GSE1: variants seen among roughly 807,000 people sequenced by gnomAD.
The protein encoded by GSE1 is Gse1 coiled-coil protein.
GSE1 carries 32 observed loss-of-function variants against 112.6 expected under a neutral mutation model. The observed-to-expected ratio is 0.28, with a 90% CI of 0.21 to 0.38. GSE1 has a LOEUF of 0.38. Ranked by LOEUF, GSE1 falls within the 10% of genes least tolerant of loss-of-function variation. The pLI is 1.00. For missense variants in GSE1, 2,348 were observed against 1,699.2 expected, an observed-to-expected ratio of 1.38 and a Z score of -6.71; for synonymous variants, 1,115 against 735.6, an observed-to-expected ratio of 1.52 and a Z score of -8.35.
At chr16:85,240,259 C>G (rs1905067833) in intron 1 of GSE1, among the ~76,000 whole-genome samples, 1 of 152,228 alleles carries the variant, frequency 6.6e-6, no homozygotes, top group African/African-American at 2.4e-5. Context: ...CCCTCCTCCC[C>G]AGTCATTAGC....
chr16:85,299,573 T>A (rs2045460317), intron 1 of GSE1, among the ~76,000 whole-genome samples: 1 of 152,254 alleles, frequency 6.6e-6, no homozygotes. Context: ...ATGTCACACC[T>A]GAGCCCTCTG....
At position 85,206,939 on chromosome 16, in the gene GSE1, G is replaced by C. The variant is rs574941445; in HGVS notation, c.2283+35132G>C. ...GGGGTGGGCCAGCGCCGGTGGCCAAGAGGAGAGAGACTGTTTACAGCCTCC... is the reference window on the plus strand; with the variant it reads ...GGGGTGGGCCAGCGCCGGTGGCCAACAGGAGAGAGACTGTTTACAGCCTCC... On this transcript the variant is annotated intron_variant, in intron 1 of 2. Coordinates refer to the GSE1 transcript ENST00000637419. Among the ~76,000 whole-genome samples, 3 of 151,878 alleles carry C rather than the reference G, an allele frequency of 2.0e-5. No homozygotes were observed. The South Asian group carries it at 6.2e-4, about 32-fold the overall frequency.
chr16:85,636,451 AT>A (rs1355570343), intron 2 of GSE1, among the ~76,000 whole-genome samples: 2 of 152,114 alleles, frequency 1.3e-5, no homozygotes, highest in African/African-American at 4.8e-5. Flanking sequence ...CTTGGTCTGG[AT>A]GGGGAGGGAC....
At chr16:85,208,420 A>G (rs919008113) in intron 1 of GSE1, among the ~76,000 whole-genome samples, 5 of 152,188 alleles carry the variant, frequency 3.3e-5, no homozygotes, top group Non-Finnish European at 7.3e-5. Context: ...GAGGGGCGTC[A>G]TAGCAGCCAC....
At chr16:85,194,611 G>C (rs1016436600) in intron 1 of GSE1, among the ~76,000 whole-genome samples, 1 of 152,122 alleles carries the variant, frequency 6.6e-6, no homozygotes, top group African/African-American at 2.4e-5. Flanking sequence ...CGAGTGTTGG[G>C]ATTTTTTTTC....
At chr16:85,281,523 G>A (rs1393915969) in intron 1 of GSE1, among the ~76,000 whole-genome samples, 4 of 152,178 alleles carry the variant, frequency 2.6e-5, no homozygotes, top group Admixed American at 6.5e-5. Context: ...TCGGAGCGCC[G>A]TCTAACCTGC....
At position 85,206,161 on chromosome 16, in the gene GSE1, G is replaced by A. The variant is rs147552048; in HGVS notation, c.2283+34354G>A. On this transcript the variant is annotated intron_variant, in intron 1 of 2. Transcript: ENST00000637419. ...TGAACGATAAGGGGGAGTGAACCGGGCACGGGAAGGGGGGAGGGAAGCACC... is the reference window on the plus strand; with the variant it reads ...TGAACGATAAGGGGGAGTGAACCGGACACGGGAAGGGGGGAGGGAAGCACC... Among the ~76,000 whole-genome samples the A allele has an allele frequency of 1.1e-3, 161 of 151,022 alleles. 1 individual carries two copies. Among genetic ancestry groups the A allele is most frequent in the African/African-American group, 3.8e-3 (154 of 40,808 alleles).
At chr16:85,489,187 T>C (rs2050933557) in intron 2 of GSE1, among the ~76,000 whole-genome samples, 1 of 152,042 alleles carries the variant, frequency 6.6e-6, no homozygotes, top group Non-Finnish European at 1.5e-5. Flanking sequence ...TGAATTGAAA[T>C]CATCACCTGT....
Position 85,661,431 on chromosome 16 carries a change from G to T in GSE1, c.1926G>T (p.Glu642Asp). ...EKAEEGPRKR[E>D]PAPLDKYQPP... is the part of the protein sequence containing the mutation. The stretch of plus-strand genomic sequence containing the variant: ...CAGAGGAGGGGCCACGGAAGCGTGA[G>T]CCTGCCCCTCTGGACAAGTACCAGC... The change falls in exon 9 of 16, where the codon GAG becomes GAT. Residue 642 changes from glutamate to aspartate, a missense_variant. Glu to Asp is a conservative substitution (Grantham distance 45). Transcript: ENST00000253458. The T allele has an allele frequency of 6.2e-7, 1 of 1,612,138 alleles. No homozygotes were observed. The highest frequency in any genetic ancestry group is 8.5e-7 in the Non-Finnish European group (1 of 1,179,622).
chr16:85,190,091 C>G (rs796413391), intron 1 of GSE1, among the ~76,000 whole-genome samples: 8 of 152,294 alleles, frequency 5.3e-5, no homozygotes, highest in African/African-American at 1.7e-4. Flanking sequence ...TCCAAGTTAT[C>G]TAGGTCTAAG....
chr16:85,212,510 A>T (rs1438827019), intron 1 of GSE1, among the ~76,000 whole-genome samples: 1 of 152,180 alleles, frequency 6.6e-6, no homozygotes, highest in African/African-American at 2.4e-5. Flanking sequence ...CAGGACACAG[A>T]TATTGCATAG....
chr16:85,414,384 G>T (rs1025539091), intron 2 of GSE1, among the ~76,000 whole-genome samples: 2 of 152,100 alleles, frequency 1.3e-5, no homozygotes, highest in African/African-American at 4.8e-5. Context: ...CATGACGCAG[G>T]CCATGTACAC....
rs1275887765 is a variant in GSE1 at position 85,478,845 on chromosome 16, TTCTTTCTTTCTTTCTTTCTTTC to T, written c.2464+121204_2464+121225del. 4.3e-4 allele frequency among the ~76,000 whole-genome samples: 7 copies of T among 16,402 alleles called. No individual in the cohort carries two copies. In the East Asian group the frequency reaches 0.017, roughly 40 times the overall value. The allele number at this position is 16,402 out of a possible 152,430, so 10.8% of individuals were successfully genotyped here. ...ACCATGCCCCGCTCATTTATTTTCT[TTCTTTCTTTCTTTCTTTCTTTC>T]TTTCTTTCTTTCTTTCTTTCTTTCT... On this transcript the variant is annotated intron_variant, in intron 2 of 2. Coordinates refer to the GSE1 transcript ENST00000637419.
intron 2 of GSE1, among the ~76,000 whole-genome samples, chr16:85,642,270 T>A (rs1002986559): frequency 3.9e-5 from 6 of 152,248 alleles, no homozygotes; most frequent in Admixed American, 2.6e-4. Context: ...ATGATCACAC[T>A]GCTGCACTCC....
chr16:85,367,844 C>CTTTTTTT (rs5818532), intron 2 of GSE1, among the ~76,000 whole-genome samples: 1 of 115,036 alleles, frequency 8.7e-6, no homozygotes. Flanking sequence ...AAATAAGATT[C>CTTTTTTT]TTTTTTTTTT....
At chr16:85,244,449 C>T (rs1224992440) in intron 1 of GSE1, among the ~76,000 whole-genome samples, 2 of 152,212 alleles carry the variant, frequency 1.3e-5, no homozygotes, top group South Asian at 2.1e-4. Flanking sequence ...CTTCTGACCT[C>T]CAGATGCATA....
exon 1 of GSE1, chr16:85,556,063 T>C (rs371048500): frequency 3.1e-6 from 3 of 983,592 alleles, no homozygotes; most frequent in East Asian, 1.1e-4. Flanking sequence ...AATTACCTCA[T>C]TGTGGATCTG....
intron 1 of GSE1, among the ~76,000 whole-genome samples, chr16:85,331,601 G>T (rs1214827301): frequency 7.5e-6 from 1 of 132,752 alleles, no homozygotes; most frequent in African/African-American, 2.7e-5. Context: ...GTGTATATGT[G>T]TATTTGTGTA....
intron 13 of GSE1, among the ~76,000 whole-genome samples, chr16:85,667,938 T>C (rs531006875): frequency 1.4e-5 from 2 of 142,350 alleles, no homozygotes; most frequent in African/African-American, 2.7e-5. Flanking sequence ...CAGGGCTGCG[T>C]TGTCTCCTGG....
Sources: gnomAD v4.1 joint callset for allele counts (sites outside exome capture counted in the v4.1 genomes callset) on GRCh38, gnomAD v4.1.1 for gene constraint, MANE v1.5 for transcripts, NCBI Gene and HGNC (gene_info 2026-07-23, HGNC 2026-07-21) for gene names.